Variants in USP12 observed in about 807,000 individuals in gnomAD.
The protein encoded by USP12 is ubiquitin specific peptidase 12.
USP12 carries 19 observed loss-of-function variants against 45.5 expected under a neutral mutation model. That is an observed-to-expected ratio of 0.42 (90% CI 0.29 to 0.61). USP12 has a LOEUF of 0.61. Among genes scored for constraint, USP12 ranks in the 20% least tolerant of loss-of-function variants. The probability of loss-of-function intolerance (pLI) is 0.22; values close to 1 mark genes in which losing one functional copy is unlikely to be tolerated. For synonymous variants in USP12, 149 were observed against 148.8 expected, an observed-to-expected ratio of 1.00 and a Z score of -0.01; for missense variants, 242 against 447.7, an observed-to-expected ratio of 0.54 and a Z score of 4.15.
intron 4 of USP12, among the ~76,000 whole-genome samples, chr13:27,092,437 G>C (rs982191084): frequency 3.3e-5 from 5 of 152,184 alleles, no homozygotes; most frequent in African/African-American, 1.2e-4. Context: ...AACAAAGTCA[G>C]AGGACTGAGA....
Position 27,067,883 on chromosome 13 carries a change from C to T in USP12, c.*1400G>A, listed in dbSNP as rs769079409. On this transcript the variant is annotated 3_prime_UTR_variant, in exon 9 of 9. Transcript: ENST00000282344. ...ACTTACTGATGCATGGAAAAACGTC[C>T]AAAAAAACTGCAATCGTTTACATAT... The T allele has an allele frequency of 6.6e-6, 1 of 151,966 alleles. No homozygotes were observed. Among genetic ancestry groups the T allele is most frequent in the Non-Finnish European group, 1.5e-5 (1 of 67,986 alleles). The allele number at this position is 151,966 out of a possible 1,614,324, so 9.4% of individuals were successfully genotyped here. A position where few individuals can be genotyped will look rare whatever the true frequency, so the allele number is the denominator to read the frequency against.
chr13:27,108,355 G>A (rs1378345809), intron 2 of USP12, among the ~76,000 whole-genome samples: 3 of 151,998 alleles, frequency 2.0e-5, no homozygotes, highest in Non-Finnish European at 4.4e-5. Context: ...GACAAAGGAA[G>A]GGGAACATCA....
At chr13:27,084,953 C>G (rs575813853) in intron 6 of USP12, among the ~76,000 whole-genome samples, 1 of 152,168 alleles carries the variant, frequency 6.6e-6, no homozygotes, top group South Asian at 2.1e-4. Flanking sequence ...AGGGACTGCA[C>G]TGAATCTCTA....
At chr13:27,158,131 A>C (rs990280174) in intron 1 of USP12, among the ~76,000 whole-genome samples, 1 of 152,042 alleles carries the variant, frequency 6.6e-6, no homozygotes. Flanking sequence ...TAATCAAGTT[A>C]CAATGAAGTC....
intron 1 of USP12, chr13:27,169,035 C>G (rs1165978444): frequency 6.6e-6 from 1 of 152,174 alleles, no homozygotes; most frequent in Non-Finnish European, 1.5e-5. Flanking sequence ...CCCGGCATAC[C>G]AGGAGGAGGC....
At chr13:27,116,904 TAGGTTTATGTA>T (rs974118067) in intron 1 of USP12, among the ~76,000 whole-genome samples, 1 of 152,196 alleles carries the variant, frequency 6.6e-6, no homozygotes, top group African/African-American at 2.4e-5. Context: ...CTCTACCACC[TAGGTTTATGTA>T]AGAACGCTCT....
rs184149187 is a variant in USP12, at chr13:27,129,123, T to C, written c.49-12527A>G. On this transcript the variant is annotated intron_variant, in intron 1 of 8. Transcript: ENST00000282344. The surrounding 1 kb of genome is among the most constrained non-coding windows in gnomAD (Gnocchi z 4.0). Reference sequence around the variant, plus strand: ...CAAATAAAAAAAAGTACTCATATTGTGAACTATCTAGAAAGAGTTCTTCAT... The same window carrying C: ...CAAATAAAAAAAAGTACTCATATTGCGAACTATCTAGAAAGAGTTCTTCAT... 1.3e-5 allele frequency among the ~76,000 whole-genome samples: 2 copies of C among 151,036 alleles called. No homozygotes were observed. The highest frequency in any genetic ancestry group is 3.9e-4 in the East Asian group (2 of 5,076).
chr13:27,082,491 T>C (rs910233194), intron 6 of USP12, among the ~76,000 whole-genome samples: 10 of 152,336 alleles, frequency 6.6e-5, no homozygotes, highest in African/African-American at 2.4e-4. Context: ...GCTGTTTTGC[T>C]TTCTTATCAT....
rs568728972 is a variant in USP12 at position 27,153,222 on chromosome 13, A to T, written c.48+18370T>A. On this transcript the variant is annotated intron_variant, in intron 1 of 8. Coordinates refer to ENST00000282344, the MANE Select transcript of USP12 (RefSeq NM_182488.4). ...GTGGCAGGCACCTGTAATACCAGCTACTTGGGAGGCTGAGGCAGAGGTTGC... is the reference window on the plus strand; with the variant it reads ...GTGGCAGGCACCTGTAATACCAGCTTCTTGGGAGGCTGAGGCAGAGGTTGC... 7.9e-5 allele frequency among the ~76,000 whole-genome samples: 12 copies of T among 151,890 alleles called. No homozygotes were observed. In the East Asian group the frequency reaches 2.2e-3, roughly 27 times the overall value.
chr13:27,105,734 T>G lies in USP12; in HGVS notation c.340A>C (p.Asn114His). Reference protein sequence around the residue: ...KKFITRLRKENELFDNYMQQD... With the variant: ...KKFITRLRKEHELFDNYMQQD... ...ATACAGTGGGAAGTAGAATTACCAT[T>G]TTCTTTCCGTAATCTTGTGATGAAC... is the stretch of plus-strand genomic sequence containing the variant. Residue 114 changes from asparagine to histidine, a missense_variant, in exon 3 of 9, where the codon AAT becomes CAT. Asn to His is a moderately conservative substitution (Grantham distance 68). Transcript: ENST00000282344. 6.2e-7 allele frequency: 1 copy of G among 1,612,882 alleles called. No homozygotes were observed. Among genetic ancestry groups the G allele is most frequent in the Non-Finnish European group, 8.5e-7 (1 of 1,179,270 alleles).
intron 1 of USP12, among the ~76,000 whole-genome samples, chr13:27,125,618 C>G (rs906404784): frequency 6.6e-6 from 1 of 152,196 alleles, no homozygotes; most frequent in Non-Finnish European, 1.5e-5. Context: ...ACAGTGGGTA[C>G]AGTCCACGGA....
At chr13:27,106,473 G>T (rs753138413) in intron 2 of USP12, among the ~76,000 whole-genome samples, 1 of 152,084 alleles carries the variant, frequency 6.6e-6, no homozygotes, top group Non-Finnish European at 1.5e-5. Flanking sequence ...AATATGTATT[G>T]CCTTCCTTTT....
chr13:27,069,122 G>A lies in USP12; in HGVS notation c.*161C>T. The A allele has an allele frequency of 1.5e-6, 1 of 653,986 alleles. No homozygotes were observed. Among genetic ancestry groups the A allele is most frequent in the East Asian group, 2.7e-5 (1 of 36,820 alleles). 40.5% of individuals were successfully genotyped at this position (653,986 alleles called of 1,614,324 possible). A position where few individuals can be genotyped will look rare whatever the true frequency, so the allele number is the denominator to read the frequency against. On this transcript the variant is annotated 3_prime_UTR_variant, in exon 9 of 9. Coordinates refer to ENST00000282344, the MANE Select transcript of USP12 (RefSeq NM_182488.4). Reference sequence around the variant, plus strand: ...AATAAATCAACTACCATGATCGGAAGGGCTTGTCAATCCATCGTCTTTGCT... The same window carrying A: ...AATAAATCAACTACCATGATCGGAAAGGCTTGTCAATCCATCGTCTTTGCT...
intron 1 of USP12, among the ~76,000 whole-genome samples, chr13:27,136,913 G>GT (rs1165955755): frequency 6.6e-6 from 1 of 152,120 alleles, no homozygotes; most frequent in Non-Finnish European, 1.5e-5. Flanking sequence ...GTCAAGAGGT[G>GT]TTTTTTGCGT....
chr13:27,121,251 A>G (rs562249630), intron 1 of USP12, among the ~76,000 whole-genome samples: 2 of 152,022 alleles, frequency 1.3e-5, no homozygotes, highest in Non-Finnish European at 2.9e-5. Flanking sequence ...ATTCATAACC[A>G]TAACTAGGCC....
chr13:27,111,228 T>G (rs1239851048), intron 2 of USP12, among the ~76,000 whole-genome samples: 1 of 152,212 alleles, frequency 6.6e-6, no homozygotes, highest in Non-Finnish European at 1.5e-5. Context: ...TTCAATCTTT[T>G]TAATAATTTT....
At chr13:27,107,658 C>T (rs941262946) in intron 2 of USP12, among the ~76,000 whole-genome samples, 2 of 152,092 alleles carry the variant, frequency 1.3e-5, no homozygotes, top group South Asian at 4.1e-4. Flanking sequence ...CTCTAAACAC[C>T]CTTTTCCCAT....
intron 1 of USP12, among the ~76,000 whole-genome samples, chr13:27,141,191 T>C (rs1284631842): frequency 6.6e-6 from 1 of 152,034 alleles, no homozygotes; most frequent in Non-Finnish European, 1.5e-5. Flanking sequence ...AATTTTTGTA[T>C]TTTTAGTGGA....
At chr13:27,156,145 G>T (rs936668557) in intron 1 of USP12, among the ~76,000 whole-genome samples, 1 of 150,588 alleles carries the variant, frequency 6.6e-6, no homozygotes, top group African/African-American at 2.5e-5. Flanking sequence ...AAAGAGACAC[G>T]ACATTCCACT....
Sources: allele counts gnomAD v4.1 joint callset (sites outside exome capture counted in the v4.1 genomes callset), GRCh38; gene constraint gnomAD v4.1.1; non-coding constraint Gnocchi (gnomAD v3.1); transcripts MANE v1.5; gene names NCBI Gene and HGNC (gene_info 2026-07-23, HGNC 2026-07-21).